Variants in FLNB observed in about 807,000 individuals in gnomAD.
The protein encoded by FLNB is filamin-B.
FLNB carries 111 observed loss-of-function variants against 250.6 expected under a neutral mutation model. The ratio of observed to expected loss-of-function variants is 0.44; its 90% CI spans 0.38 to 0.52. The LOEUF is 0.52. FLNB is among the 20% of genes least tolerant of loss of function. The pLI is 0.00. For synonymous variants in FLNB, 1,302 were observed against 1,372.1 expected, an observed-to-expected ratio of 0.95 and a Z score of 1.13; for missense variants, 2,869 against 3,447.8, an observed-to-expected ratio of 0.83 and a Z score of 4.20.
At position 58,130,631 on chromosome 3, in the gene FLNB, C is replaced by T. The variant is rs4475005; in HGVS notation, c.4223-110C>T. 0.32 allele frequency: 349,355 copies of T among 1,085,678 alleles called. 70,082 individuals are homozygous for T. The highest frequency in any genetic ancestry group is 0.93 in the East Asian group (35,758 of 38,544). 67.3% of individuals were successfully genotyped at this position (1,085,678 alleles called of 1,614,324 possible). ...ACACAGTGAGGCAGGGGGAGCTGAC[C>T]GAGGCCTGCATGGCCGAGGTCCCGG... On this transcript the variant is annotated intron_variant, in intron 24 of 45. Transcript: ENST00000295956.
chr3:58,108,602 A>G, intron 13 of FLNB, 31 bp downstream of exon 13: 1 of 1,408,166 alleles, frequency 7.1e-7, no homozygotes, highest in African/African-American at 1.4e-5. Context: ...TGTGCAGGTA[A>G]TTGTCAGGTA....
At chr3:58,167,510 A>G (rs1241022380) in intron 43 of FLNB, among the ~76,000 whole-genome samples, 2 of 152,392 alleles carry the variant, frequency 1.3e-5, no homozygotes, top group African/African-American at 4.8e-5. Flanking sequence ...ATAGCCCTGC[A>G]TGGGGATGCT....
chr3:58,170,485 G>A, intron 45 of FLNB, 90 bp from the exon 46 acceptor site: 1 of 1,326,338 alleles, frequency 7.5e-7, no homozygotes, highest in South Asian at 1.2e-5. Context: ...CATTATCGTG[G>A]AAGCACCTTA....
chr3:58,051,252 G>A (rs2097161826), intron 1 of FLNB, among the ~76,000 whole-genome samples: 1 of 152,212 alleles, frequency 6.6e-6, no homozygotes, highest in Non-Finnish European at 1.5e-5. Flanking sequence ...AGAAGAAAAA[G>A]GGAGACGCAT....
At position 58,027,202 on chromosome 3, in the gene FLNB, G is replaced by C. The variant is rs554635479; in HGVS notation, c.292+18346G>C. ...GGGTCTCCCTCTGTCACCCAGTCTGGAGTGCAGTGGCGCGATCTCGGCTCA... is the reference window on the plus strand; with the variant it reads ...GGGTCTCCCTCTGTCACCCAGTCTGCAGTGCAGTGGCGCGATCTCGGCTCA... On this transcript the variant is annotated intron_variant, in intron 1 of 45. Transcript: ENST00000295956. Among the ~76,000 whole-genome samples the C allele has an allele frequency of 2.0e-4, 30 of 152,078 alleles. No homozygotes were observed. In the South Asian group the frequency reaches 6.2e-3, roughly 32 times the overall value.
intron 1 of FLNB, 136 bp from the exon 2 acceptor site, chr3:58,076,910 G>T: frequency 9.4e-7 from 1 of 1,059,342 alleles, no homozygotes. Context: ...GCAAATTTCA[G>T]CATTACATCA....
At chr3:58,106,345 T>C (rs1158657793) in intron 11 of FLNB, among the ~76,000 whole-genome samples, 2 of 116,630 alleles carry the variant, frequency 1.7e-5, no homozygotes, top group African/African-American at 3.6e-5. Context: ...ATATAATGTA[T>C]TTAATACTAT....
chr3:58,036,505 G>GAC (rs1212819538), intron 1 of FLNB, among the ~76,000 whole-genome samples: 1 of 152,142 alleles, frequency 6.6e-6, no homozygotes, highest in African/African-American at 2.4e-5. Context: ...AGAACTGGTT[G>GAC]AGCCAGATTA....
At chr3:58,154,667 G>T (rs966101652) in intron 39 of FLNB, 124 bp from the exon 40 acceptor site, 2 of 1,018,566 alleles carry the variant, frequency 2.0e-6, no homozygotes, top group Non-Finnish European at 3.1e-6. Flanking sequence ...TTCTGCTTGG[G>T]GTTGGAGAAA....
intron 20 of FLNB, among the ~76,000 whole-genome samples, chr3:58,121,726 T>G (rs563973350): frequency 3.2e-4 from 48 of 152,312 alleles, no homozygotes; most frequent in African/African-American, 1.1e-3. Context: ...TCCCAGAGTC[T>G]TCTTTCTTCG....
Position 58,093,798 on chromosome 3 carries a change from A to G in FLNB, c.788-1038A>G, listed in dbSNP as rs576381471. Among the ~76,000 whole-genome samples the G allele has an allele frequency of 5.9e-5, 9 of 152,316 alleles. No homozygotes were observed. In the East Asian group the frequency reaches 1.7e-3, roughly 29 times the overall value. ...TTAGCTACTCAGCAATAAAAAGGAA[A>G]AAAACCATTGACAGAAGCAACAACC... On this transcript the variant is annotated intron_variant, in intron 4 of 45. Transcript: ENST00000295956.
intron 42 of FLNB, chr3:58,162,745 A>T (rs979130574): frequency 3.7e-6 from 1 of 271,516 alleles, no homozygotes; most frequent in African/African-American, 2.2e-5. Flanking sequence ...AGGTCTTCCA[A>T]TTTCAGAGTG....
intron 29 of FLNB, among the ~76,000 whole-genome samples, chr3:58,140,218 A>G (rs564972263): frequency 1.3e-5 from 2 of 152,342 alleles, no homozygotes; most frequent in African/African-American, 4.8e-5. Context: ...AGTCATAGCA[A>G]ATGTCTCAAG....
intron 1 of FLNB, among the ~76,000 whole-genome samples, chr3:58,020,310 C>T (rs768885761): frequency 2.0e-5 from 3 of 152,210 alleles, no homozygotes; most frequent in Non-Finnish European, 4.4e-5. Context: ...TTATCAGTCT[C>T]ATGGCCCTGG....
intron 1 of FLNB, among the ~76,000 whole-genome samples, chr3:58,037,801 A>G (rs1021537681): frequency 2.0e-5 from 3 of 152,138 alleles, no homozygotes; most frequent in African/African-American, 7.2e-5. Flanking sequence ...ACTCATCTTT[A>G]TACTACTTTA....
intron 25 of FLNB, chr3:58,131,945 A>C: frequency 6.5e-7 from 1 of 1,537,110 alleles, no homozygotes; most frequent in Non-Finnish European, 8.7e-7. Flanking sequence ...ACGGATTCCC[A>C]GTCATGGCGC....
intron 3 of FLNB, among the ~76,000 whole-genome samples, chr3:58,081,017 C>T (rs1325834945): frequency 6.6e-6 from 1 of 152,084 alleles, no homozygotes; most frequent in Non-Finnish European, 1.5e-5. Context: ...TTGTCTCGAA[C>T]TCCTGACCTC....
In FLNB at chr3:58,156,042, C is replaced by T. The variant is rs770627079; in HGVS notation, c.6855C>T (p.Asp2285=). The change falls in exon 41 of 46, where the codon GAC becomes GAT. Residue 2285 remains aspartate (D), a synonymous_variant. Transcript: ENST00000295956. ...TGGTGCCGGTCATCGCACCCTCCGA[C>T]GACGCCCGCCGCCTCACTGTTATGA... The part of the protein sequence containing the change: ...PYLVPVIAPS[D]DARRLTVMSL... 15 of 1,614,036 alleles carry T rather than the reference C, an allele frequency of 9.3e-6. No individual in the cohort carries two copies. The highest frequency in any genetic ancestry group is 4.5e-5 in the East Asian group (2 of 44,886).
chr3:58,146,778 A>C (rs776850821), intron 33 of FLNB, 42 bp from the exon 34 acceptor site: 1 of 1,608,776 alleles, frequency 6.2e-7, no homozygotes, highest in South Asian at 1.1e-5. Context: ...AAACAAGGCA[A>C]CTCTCTCCCT....
Sources: gnomAD v4.1 joint callset for allele counts (sites outside exome capture counted in the v4.1 genomes callset) on GRCh38, gnomAD v4.1.1 for gene constraint, MANE v1.5 for transcripts, NCBI Gene and HGNC (gene_info 2026-07-23, HGNC 2026-07-21) for gene names.